The following FUBP3 variants were observed in gnomAD, a reference collection of about 807,000 sequenced individuals.
FUBP3 encodes far upstream element-binding protein 3.
FUBP3 carries 28 observed loss-of-function variants against 85.6 expected under a neutral mutation model. That is an observed-to-expected ratio of 0.33 (90% CI 0.24 to 0.45). FUBP3 has a LOEUF of 0.45. FUBP3 is among the 20% of genes least tolerant of loss of function. The pLI is 1.00. For synonymous variants in FUBP3, 271 were observed against 271.4 expected (o/e 1.00, Z 0.01); for missense variants, 583 against 755.1 (o/e 0.77, Z 2.67).
At chr9:130,607,908 T>C (rs1421850962) in intron 2 of FUBP3, among the ~76,000 whole-genome samples, 1 of 152,218 alleles carries the variant, frequency 6.6e-6, no homozygotes, top group Non-Finnish European at 1.5e-5. Context: ...GGGATGATAG[T>C]GTGAACATTT....
At chr9:130,613,246 C>T (rs1179603980) in intron 5 of FUBP3, among the ~76,000 whole-genome samples, 2 of 152,234 alleles carry the variant, frequency 1.3e-5, no homozygotes, top group South Asian at 2.1e-4. Context: ...AACCCTCCCT[C>T]AGCTCTGTGG....
At chr9:130,614,249 GC>G in intron 5 of FUBP3, 38 bp from the exon 6 acceptor site, 1 of 1,367,400 alleles carries the variant, frequency 7.3e-7, no homozygotes. Context: ...TGTGCCCGGT[GC>G]CCACCAACAC....
intron 12 of FUBP3, among the ~76,000 whole-genome samples, chr9:130,627,726 C>T (rs1243861541): frequency 4.6e-5 from 7 of 152,282 alleles, no homozygotes; most frequent in Middle Eastern, 3.4e-3. Flanking sequence ...TCAGCCTGAC[C>T]GCTGTGAGAC....
At chr9:130,581,930 A>G (rs1830148547) in intron 1 of FUBP3, 1 of 152,196 alleles carries the variant, frequency 6.6e-6, no homozygotes, top group South Asian at 2.1e-4. Flanking sequence ...CCAACACCTT[A>G]TCAACTAGGC....
At chr9:130,624,984 C>T (rs1166508424) in intron 11 of FUBP3, among the ~76,000 whole-genome samples, 1 of 152,142 alleles carries the variant, frequency 6.6e-6, no homozygotes, top group Non-Finnish European at 1.5e-5. Context: ...CTTTGGGATG[C>T]CAAGGCAGGT....
intron 2 of FUBP3, among the ~76,000 whole-genome samples, chr9:130,605,845 A>G (rs1831397752): frequency 6.6e-6 from 1 of 152,194 alleles, no homozygotes; most frequent in South Asian, 2.1e-4. Flanking sequence ...TTAGCCAGGC[A>G]TGGCGGCACA....
At chr9:130,614,182 C>G in intron 5 of FUBP3, 106 bp from the exon 6 acceptor site, 1 of 640,078 alleles carries the variant, frequency 1.6e-6, no homozygotes. Context: ...GAGCCTGGGC[C>G]TCTGCAGGGC....
chr9:130,623,457 C>T (rs113491832), intron 10 of FUBP3, among the ~76,000 whole-genome samples, 154 bp from the exon 11 acceptor site: 1 of 152,212 alleles, frequency 6.6e-6, no homozygotes, highest in African/African-American at 2.4e-5. Flanking sequence ...TTTCCTATCA[C>T]CCACATCACT....
chr9:130,583,738 A>G (rs1750796166), intron 1 of FUBP3, among the ~76,000 whole-genome samples: 1 of 152,160 alleles, frequency 6.6e-6, no homozygotes, highest in South Asian at 2.1e-4. Context: ...GGTTTTGGTG[A>G]TGTCACTGAG....
At chr9:130,603,742 GC>G (rs1379051977) in intron 2 of FUBP3, among the ~76,000 whole-genome samples, 13 of 152,108 alleles carry the variant, frequency 8.5e-5, no homozygotes, top group African/African-American at 3.1e-4. Flanking sequence ...TACATTCTTC[GC>G]AGCTGTTAAT....
At chr9:130,608,191 A>G (rs1052860030) in intron 2 of FUBP3, among the ~76,000 whole-genome samples, 1 of 152,240 alleles carries the variant, frequency 6.6e-6, no homozygotes, top group South Asian at 2.1e-4. Flanking sequence ...TTACCAAACA[A>G]CGCAGTGGAC....
intron 1 of FUBP3, among the ~76,000 whole-genome samples, chr9:130,588,803 A>C (rs1268661100): frequency 4.0e-5 from 6 of 151,862 alleles, no homozygotes; most frequent in Admixed American, 6.6e-5. Context: ...GCGGCCCATG[A>C]CTCCAAACCT....
At chr9:130,582,498 G>A (rs992896570) in intron 1 of FUBP3, among the ~76,000 whole-genome samples, 4 of 151,826 alleles carry the variant, frequency 2.6e-5, no homozygotes, top group Non-Finnish European at 5.9e-5. Context: ...ATCTCATTCA[G>A]TTCCATGGAT....
chr9:130,614,700 G>A (rs1831913373), intron 6 of FUBP3, among the ~76,000 whole-genome samples: 1 of 152,178 alleles, frequency 6.6e-6, no homozygotes, highest in Non-Finnish European at 1.5e-5. Flanking sequence ...GTCACTTGGT[G>A]AGCTACTGAG....
At chr9:130,606,542 C>G (rs11243936) in intron 2 of FUBP3, among the ~76,000 whole-genome samples, 1 of 151,764 alleles carries the variant, frequency 6.6e-6, no homozygotes, top group Non-Finnish European at 1.5e-5. Flanking sequence ...CTGATGTGGC[C>G]GGGCGCGGTG....
intron 12 of FUBP3, among the ~76,000 whole-genome samples, chr9:130,628,538 G>A (rs752164885): frequency 3.3e-5 from 5 of 152,164 alleles, no homozygotes; most frequent in Admixed American, 6.5e-5. Flanking sequence ...ACGAGGTTTT[G>A]TGGCGCCTCC....
At chr9:130,615,901 T>A (rs1164262985) in intron 6 of FUBP3, among the ~76,000 whole-genome samples, 1 of 152,218 alleles carries the variant, frequency 6.6e-6, no homozygotes, top group Non-Finnish European at 1.5e-5. Flanking sequence ...CTTGCTTGCT[T>A]TCTTCCCATC....
intron 9 of FUBP3, 26 bp from the exon 10 acceptor site, chr9:130,622,682 A>T: frequency 8.9e-7 from 1 of 1,126,692 alleles, no homozygotes. Context: ...AAAAGTTCTG[A>T]TGTGGTTTGG....
chr9:130,616,386 G>A lies in FUBP3; in HGVS notation c.436G>A (p.Asp146Asn), dbSNP rs1397907620. 3 of 1,614,178 alleles carry A rather than the reference G, an allele frequency of 1.9e-6. 1 individual carries two copies. The highest frequency in any genetic ancestry group is 2.2e-5 in the East Asian group (1 of 44,882). Residue 146 changes from aspartate (D) to asparagine (N), a missense_variant, in exon 7 of 19, where the codon GAC (aspartate) becomes AAC (asparagine). Asp to Asn is a conservative substitution (Grantham distance 23). This residue lies in a region of FUBP3 where 177 missense variants were observed against 221.9 expected (regional missense o/e 0.80). Transcript: ENST00000319725. This position sits in a 1 kb window ranked among gnomAD's most constrained non-coding sequence, Gnocchi z 4.7. ...CAAACGGCTCCTGGGACAGATTGTG[G>A]ACCGCTGTCGAAATGGACCTGGCTT... ...QAKRLLGQIVDRCRNGPGFHN... is the reference protein window; with the variant it reads ...QAKRLLGQIVNRCRNGPGFHN...
Sources: allele counts gnomAD v4.1 joint callset (sites outside exome capture counted in the v4.1 genomes callset), GRCh38; gene constraint gnomAD v4.1.1; regional missense constraint gnomAD v4.1.1; non-coding constraint Gnocchi (gnomAD v3.1); transcripts MANE v1.5; gene names NCBI Gene and HGNC (gene_info 2026-07-23, HGNC 2026-07-21).